MSRA: variants seen among roughly 807,000 people sequenced by gnomAD.
MSRA encodes the protein mitochondrial peptide methionine sulfoxide reductase.
Under a neutral mutation model 31.3 loss-of-function variants are expected in MSRA, and 54 were observed. That is an observed-to-expected ratio of 1.73 (90% CI 1.39 to 2.17). The LOEUF (loss-of-function observed/expected upper bound fraction) is 2.17. Among genes scored for constraint, MSRA ranks in the 30% most tolerant of loss-of-function variants. The pLI is 0.00. For missense variants in MSRA, 507 were observed against 300.9 expected, an observed-to-expected ratio of 1.69 and a Z score of -5.07; for synonymous variants, 169 against 116.5, an observed-to-expected ratio of 1.45 and a Z score of -2.90.
At chr8:10,309,734 C>G (rs1801332273) in intron 4 of MSRA, among the ~76,000 whole-genome samples, 1 of 152,206 alleles carries the variant, frequency 6.6e-6, no homozygotes, top group Admixed American at 6.5e-5. Context: ...GTGCTTGGAA[C>G]TAGAGAGCCT....
intron 5 of MSRA, 40 bp downstream of exon 5, chr8:10,320,029 C>G: frequency 7.3e-7 from 1 of 1,366,078 alleles, no homozygotes; most frequent in South Asian, 1.3e-5. Context: ...CTTAGGCCAC[C>G]ATGACTAGGG....
intron 1 of MSRA, among the ~76,000 whole-genome samples, chr8:10,060,883 A>G (rs1284932646): frequency 6.6e-6 from 1 of 152,220 alleles, no homozygotes; most frequent in Non-Finnish European, 1.5e-5. Context: ...ACTATTATGT[A>G]GAAGGCATTA....
At chr8:10,335,218 C>T (rs940400164) in intron 5 of MSRA, among the ~76,000 whole-genome samples, 3 of 145,396 alleles carry the variant, frequency 2.1e-5, no homozygotes, top group South Asian at 2.2e-4. Context: ...AGTGAGCCAC[C>T]TTTTCCTTCA....
intron 3 of MSRA, among the ~76,000 whole-genome samples, chr8:10,286,310 G>A (rs1044667252): frequency 1.3e-5 from 2 of 152,156 alleles, no homozygotes; most frequent in African/African-American, 4.8e-5. Context: ...GGAGGTAATT[G>A]AATCATGGGG....
chr8:10,063,454 C>T (rs1177198510), intron 1 of MSRA, among the ~76,000 whole-genome samples: 2 of 152,202 alleles, frequency 1.3e-5, no homozygotes, highest in Non-Finnish European at 2.9e-5. Flanking sequence ...TTCAGATCTC[C>T]ACTTCCACCC....
intron 1 of MSRA, among the ~76,000 whole-genome samples, chr8:10,144,448 C>T (rs376927531): frequency 2.6e-5 from 4 of 152,252 alleles, no homozygotes; most frequent in South Asian, 2.1e-4. Context: ...ATTTGTGAAG[C>T]GCTTAGACTG....
intron 5 of MSRA, among the ~76,000 whole-genome samples, chr8:10,339,357 C>T (rs1236165814): frequency 6.6e-6 from 1 of 152,112 alleles, no homozygotes; most frequent in Non-Finnish European, 1.5e-5. Context: ...GACCTTGTTT[C>T]ATGAGTTTCC....
chr8:10,186,226 T>C (rs1421778500), intron 1 of MSRA, among the ~76,000 whole-genome samples: 2 of 152,106 alleles, frequency 1.3e-5, no homozygotes, highest in Non-Finnish European at 2.9e-5. Context: ...GCCATCCTCT[T>C]CTCATCCCTG....
intron 5 of MSRA, among the ~76,000 whole-genome samples, chr8:10,408,708 A>T (rs989022519): frequency 6.6e-6 from 1 of 152,116 alleles, no homozygotes; most frequent in Non-Finnish European, 1.5e-5. Context: ...CCTTGTACCC[A>T]TTAGGTAATT....
intron 4 of MSRA, among the ~76,000 whole-genome samples, chr8:10,319,456 G>A (rs1761281871): frequency 6.6e-6 from 1 of 152,140 alleles, no homozygotes; most frequent in East Asian, 1.9e-4. Context: ...AATTTACACA[G>A]ACATTGTCTC....
chr8:10,153,431 A>G (rs977076970), intron 1 of MSRA, among the ~76,000 whole-genome samples: 6 of 151,752 alleles, frequency 4.0e-5, no homozygotes, highest in Admixed American at 6.6e-5. Flanking sequence ...CACCCGACCT[A>G]TTTTTACTCC....
At chr8:10,327,888 G>A (rs1277153639) in intron 5 of MSRA, among the ~76,000 whole-genome samples, 1 of 152,074 alleles carries the variant, frequency 6.6e-6, no homozygotes, top group African/African-American at 2.4e-5. Flanking sequence ...AGCTGAGATT[G>A]CGCCACTGCA....
At chr8:10,194,417 C>G (rs1807796604) in intron 1 of MSRA, among the ~76,000 whole-genome samples, 1 of 152,104 alleles carries the variant, frequency 6.6e-6, no homozygotes, top group South Asian at 2.1e-4. Context: ...AGTACAAAAA[C>G]TAGCCAGGTG....
intron 1 of MSRA, among the ~76,000 whole-genome samples, chr8:10,093,999 C>G (rs1054591518): frequency 2.0e-5 from 3 of 152,210 alleles, no homozygotes; most frequent in Non-Finnish European, 2.9e-5. Flanking sequence ...GGATTCCTTG[C>G]ACGTGATGAG....
intron 1 of MSRA, among the ~76,000 whole-genome samples, chr8:10,166,361 C>T (rs1219456166): frequency 6.6e-6 from 1 of 152,078 alleles, no homozygotes; most frequent in Non-Finnish European, 1.5e-5. Flanking sequence ...TGCATAACTG[C>T]ATGCACGTGT....
chr8:10,428,180 T>C lies in MSRA; in HGVS notation c.576T>C (p.Thr192=). 1 of 1,614,032 alleles carries C rather than the reference T, an allele frequency of 6.2e-7. No homozygotes were observed. Among genetic ancestry groups the C allele is most frequent in the Non-Finnish European group, 8.5e-7 (1 of 1,179,976 alleles). Residue 192 remains threonine, a synonymous_variant, in exon 6 of 6, where the codon ACT becomes ACC. Transcript: ENST00000317173. ...CAGAGCACGGCTTCGGCCCCATCAC[T>C]ACCGACATCCGGGAGGGACAGACTT... ...VLSEHGFGPI[T]TDIREGQTFY... is the part of the protein sequence containing the mutation.
At chr8:10,292,662 T>C (rs951064131) in intron 3 of MSRA, among the ~76,000 whole-genome samples, 4 of 152,238 alleles carry the variant, frequency 2.6e-5, no homozygotes, top group Non-Finnish European at 5.9e-5. Context: ...ACAGCGCCTC[T>C]TCCTGGGGTC....
At chr8:10,399,221 C>T (rs1807289588) in intron 5 of MSRA, among the ~76,000 whole-genome samples, 1 of 152,210 alleles carries the variant, frequency 6.6e-6, no homozygotes, top group Non-Finnish European at 1.5e-5. Flanking sequence ...TCTGTATCCT[C>T]AGATCTGACA....
At chr8:10,187,100 T>G (rs1807120585) in intron 1 of MSRA, among the ~76,000 whole-genome samples, 1 of 152,188 alleles carries the variant, frequency 6.6e-6, no homozygotes, top group Admixed American at 6.5e-5. Context: ...AAGACATGGG[T>G]ACCTGGCAGC....
Sources: allele counts gnomAD v4.1 joint callset (sites outside exome capture counted in the v4.1 genomes callset), GRCh38; gene constraint gnomAD v4.1.1; transcripts MANE v1.5; gene names NCBI Gene and HGNC (gene_info 2026-07-23, HGNC 2026-07-21).